Variants in LCORL observed in about 807,000 individuals in gnomAD.
The protein encoded by LCORL is ligand dependent nuclear receptor corepressor like.
Under a neutral mutation model 141.8 loss-of-function variants are expected in LCORL, and 41 were observed. The observed-to-expected ratio is 0.29, with a 90% confidence interval of 0.23 to 0.38. The LOEUF is 0.38. Among genes scored for constraint, LCORL ranks in the 10% least tolerant of loss-of-function variants. The pLI is 1.00. For synonymous variants in LCORL, 618 were observed against 694.1 expected (o/e 0.89, Z 1.72); for missense variants, 1,759 against 2,035.0 (o/e 0.86, Z 2.61).
At chr4:17,852,465 A>G (rs1417091214) in intron 7 of LCORL, among the ~76,000 whole-genome samples, 1 of 152,140 alleles carries the variant, frequency 6.6e-6, no homozygotes, top group Non-Finnish European at 1.5e-5. Context: ...GCCAATTAGC[A>G]TGCTTTAAAA....
intron 1 of LCORL, among the ~76,000 whole-genome samples, chr4:17,988,800 C>T (rs566684624): frequency 6.6e-5 from 10 of 152,162 alleles, no homozygotes; most frequent in Non-Finnish European, 1.3e-4. Flanking sequence ...GCCTGGCCCA[C>T]ATGGCGAAAC....
At chr4:17,874,385 G>A (rs1726698985) in exon 7 of LCORL, 1 of 1,233,682 alleles carries the variant, frequency 8.1e-7, no homozygotes, top group African/African-American at 1.6e-5. Context: ...TGATTCCCCT[G>A]GTATTTATTA....
intron 1 of LCORL, among the ~76,000 whole-genome samples, chr4:18,004,867 G>T (rs142097876): frequency 2.0e-3 from 311 of 152,026 alleles, no homozygotes; most frequent in African/African-American, 7.0e-3. Context: ...GGGAGAAATT[G>T]GCAAAAACAA....
At position 17,912,182 on chromosome 4, in the gene LCORL, A is replaced by C. The variant is rs1732669179; in HGVS notation, c.431-2837T>G. 4 of 959,690 alleles carry C rather than the reference A, an allele frequency of 4.2e-6. No individual in the cohort carries two copies. In the Admixed American group the frequency reaches 6.8e-5, roughly 16 times the overall value. 59.4% of individuals were successfully genotyped at this position (959,690 alleles called of 1,614,324 possible). A position where few individuals can be genotyped will look rare whatever the true frequency, so the allele number is the denominator to read the frequency against. On this transcript the variant is annotated intron_variant, in intron 4 of 7. Coordinates refer to ENST00000635767, the Ensembl canonical transcript of LCORL. ...ATCGACAATGCCCGTCTTGCTGCTG[A>C]TGACTTTAGAGTCAAGTATGAGACA...
At chr4:17,843,048 CT>C in exon 8 of LCORL, 1 of 255,018 alleles carries the variant, frequency 3.9e-6, no homozygotes, top group Non-Finnish European at 7.6e-6. Context: ...AAGTTTGTGG[CT>C]TTTTTTCCTG....
chr4:17,930,629 C>T (rs1296051143), intron 4 of LCORL, among the ~76,000 whole-genome samples: 1 of 152,082 alleles, frequency 6.6e-6, no homozygotes, highest in Non-Finnish European at 1.5e-5. Flanking sequence ...ACCACTTTTG[C>T]ATTAATGGAA....
intron 6 of LCORL, among the ~76,000 whole-genome samples, chr4:17,879,566 T>C (rs927735156): frequency 2.6e-5 from 4 of 151,142 alleles, no homozygotes; most frequent in Non-Finnish European, 4.5e-5. Context: ...AATAATTTTT[T>C]ATAAACTTTG....
At chr4:17,910,177 A>G (rs1358773585) in intron 4 of LCORL, among the ~76,000 whole-genome samples, 1 of 152,202 alleles carries the variant, frequency 6.6e-6, no homozygotes, top group South Asian at 2.1e-4. Context: ...AATTGGTAAA[A>G]CAACTGAATG....
intron 7 of LCORL, among the ~76,000 whole-genome samples, chr4:17,848,970 G>A (rs1302456364): frequency 6.6e-6 from 1 of 152,238 alleles, no homozygotes; most frequent in Admixed American, 6.5e-5. Context: ...CAGCAGCGAG[G>A]CTGGGGGAGG....
At chr4:17,909,315 G>T in exon 5 of LCORL, 1 of 1,608,012 alleles carries the variant, frequency 6.2e-7, no homozygotes, top group Non-Finnish European at 8.5e-7. Context: ...AGCAACTAGG[G>T]GAATGTTAGG....
chr4:17,992,265 A>G (rs1720160558), intron 1 of LCORL, among the ~76,000 whole-genome samples: 1 of 152,168 alleles, frequency 6.6e-6, no homozygotes, highest in African/African-American at 2.4e-5. Context: ...TGAAGTGGGG[A>G]AAAGCCCCTT....
intron 2 of LCORL, among the ~76,000 whole-genome samples, chr4:17,968,856 A>G (rs182885201): frequency 6.6e-6 from 1 of 152,372 alleles, no homozygotes; most frequent in East Asian, 1.9e-4. Flanking sequence ...ATTCAAAAAC[A>G]GTCAACAAGC....
exon 7 of LCORL, chr4:17,876,202 C>G: frequency 8.1e-7 from 1 of 1,231,016 alleles, no homozygotes; most frequent in Non-Finnish European, 1.0e-6. Flanking sequence ...CGACCCATAT[C>G]TAAAATAGAT....
At chr4:18,009,274 T>C (rs1723297353) in intron 1 of LCORL, among the ~76,000 whole-genome samples, 1 of 152,010 alleles carries the variant, frequency 6.6e-6, no homozygotes, top group East Asian at 1.9e-4. Flanking sequence ...CCATTATTCT[T>C]AATACTGATC....
At chr4:17,967,067 T>C (rs1195486521) in intron 2 of LCORL, among the ~76,000 whole-genome samples, 1 of 152,142 alleles carries the variant, frequency 6.6e-6, no homozygotes, top group African/African-American at 2.4e-5. Context: ...GGTACATCTA[T>C]ACAACGCAAT....
At chr4:17,909,746 G>C (rs1732216460) in intron 4 of LCORL, among the ~76,000 whole-genome samples, 1 of 151,980 alleles carries the variant, frequency 6.6e-6, no homozygotes, top group Non-Finnish European at 1.5e-5. Context: ...CAATGTGCAT[G>C]CATTAACTAG....
At chr4:17,924,080 T>C (rs1001693810) in intron 4 of LCORL, among the ~76,000 whole-genome samples, 1 of 152,012 alleles carries the variant, frequency 6.6e-6, no homozygotes, top group Non-Finnish European at 1.5e-5. Flanking sequence ...TTTGGCTAGA[T>C]GGTCATGGAC....
chr4:17,996,200 C>T (rs899521065), intron 1 of LCORL, among the ~76,000 whole-genome samples: 4 of 152,078 alleles, frequency 2.6e-5, no homozygotes, highest in African/African-American at 9.6e-5. Context: ...TATTATTTCC[C>T]TTTATCTTTT....
chr4:17,930,285 T>C (rs1221172528), intron 4 of LCORL, among the ~76,000 whole-genome samples: 14 of 152,332 alleles, frequency 9.2e-5, no homozygotes, highest in South Asian at 4.1e-4. Context: ...CGAAGACTGC[T>C]TGAGCCCAGA....
Sources: gnomAD v4.1 joint callset for allele counts (sites outside exome capture counted in the v4.1 genomes callset) on GRCh38, gnomAD v4.1.1 for gene constraint, MANE v1.5 for transcripts, NCBI Gene and HGNC (gene_info 2026-07-23, HGNC 2026-07-21) for gene names.